FBXL13: variants seen among roughly 807,000 people sequenced by gnomAD.
FBXL13 encodes F-box and leucine-rich repeat protein 13.
FBXL13 carries 67 observed loss-of-function variants against 83.6 expected under a neutral mutation model. The ratio of observed to expected loss-of-function variants is 0.80; its 90% CI spans 0.66 to 0.98. The LOEUF (loss-of-function observed/expected upper bound fraction) is 0.98. FBXL13 is among the 50% of genes least tolerant of loss of function. FBXL13 has a pLI of 0.00. For missense variants in FBXL13, 822 were observed against 866.5 expected, an observed-to-expected ratio of 0.95 and a Z score of 0.64; for synonymous variants, 272 against 299.5, an observed-to-expected ratio of 0.91 and a Z score of 0.95.
At chr7:102,961,423 C>T (rs200105492) in intron 8 of FBXL13, among the ~76,000 whole-genome samples, 5 of 149,674 alleles carry the variant, frequency 3.3e-5, no homozygotes, top group Admixed American at 6.7e-5. Context: ...AGGTAATTTA[C>T]AGATTCAATG....
chr7:102,916,791 T>C (rs1488347680), intron 10 of FBXL13, among the ~76,000 whole-genome samples: 1 of 147,868 alleles, frequency 6.8e-6, no homozygotes, highest in Non-Finnish European at 1.5e-5. Flanking sequence ...CTGTTTCTTA[T>C]GGGGGGGGGT....
intron 18 of FBXL13, among the ~76,000 whole-genome samples, chr7:102,826,798 A>ATATATCTAATAAATGTATCT (rs1799812834): frequency 4.4e-5 from 6 of 135,764 alleles, no homozygotes; most frequent in Non-Finnish European, 9.5e-5. Context: ...ATATATTAAT[A>ATATATCTAATAAATGTATCT]TATATCTAAT....
intron 11 of FBXL13, among the ~76,000 whole-genome samples, chr7:102,893,900 A>G (rs1388892286): frequency 6.7e-6 from 1 of 149,562 alleles, no homozygotes; most frequent in Non-Finnish European, 1.5e-5. Context: ...AGAGGAAGGA[A>G]GGGAGGGAGG....
At chr7:102,852,598 C>A (rs181659663) in intron 17 of FBXL13, among the ~76,000 whole-genome samples, 7 of 152,266 alleles carry the variant, frequency 4.6e-5, no homozygotes, top group African/African-American at 1.7e-4. Context: ...TGCTCAACAT[C>A]ACAAATGATC....
intron 2 of FBXL13, among the ~76,000 whole-genome samples, chr7:103,053,372 C>T (rs902187716): frequency 4.6e-5 from 7 of 152,092 alleles, no homozygotes; most frequent in Admixed American, 1.3e-4. Flanking sequence ...AGGCTGCTCT[C>T]GAACTTCTGA....
chr7:102,934,568 C>A, intron 8 of FBXL13: 1 of 1,613,978 alleles, frequency 6.2e-7, no homozygotes, highest in Non-Finnish European at 8.5e-7. Context: ...AGAAAAGGAA[C>A]AATTGGACCC....
intron 1 of FBXL13, among the ~76,000 whole-genome samples, chr7:103,072,533 T>C (rs1353632633): frequency 6.6e-6 from 1 of 152,162 alleles, no homozygotes; most frequent in Non-Finnish European, 1.5e-5. Flanking sequence ...GATGTTATAG[T>C]AACTGGCGGC....
chr7:103,032,044 G>C (rs1794561924), intron 2 of FBXL13, among the ~76,000 whole-genome samples: 1 of 152,172 alleles, frequency 6.6e-6, no homozygotes, highest in Non-Finnish European at 1.5e-5. Context: ...CTGAGTTCCA[G>C]CAGCATACAA....
chr7:103,024,135 AAGAGAGAGAGAGAGAGAGAGAGAGAG>A (rs59206823), intron 6 of FBXL13, among the ~76,000 whole-genome samples: 1,561 of 96,716 alleles, frequency 0.016, 45 homozygotes, highest in African/African-American at 0.048. Flanking sequence ...AAAAGTTAAA[AAGAGAGAGAGAGAGAGAGAGAGAGAG>A]AGAGAGAGAG....
At chr7:102,879,694 GT>G (rs1008330244) in intron 14 of FBXL13, among the ~76,000 whole-genome samples, 3 of 151,706 alleles carry the variant, frequency 2.0e-5, no homozygotes, top group Admixed American at 6.6e-5. Flanking sequence ...GGCATCTATA[GT>G]TTTTTTTGTA....
At chr7:102,879,027 T>C (rs1408834221) in intron 14 of FBXL13, among the ~76,000 whole-genome samples, 2 of 152,188 alleles carry the variant, frequency 1.3e-5, no homozygotes, top group South Asian at 2.1e-4. Flanking sequence ...AACCCTACCA[T>C]GTTGATCTTG....
intron 2 of FBXL13, among the ~76,000 whole-genome samples, chr7:103,032,199 T>A (rs576766604): frequency 6.6e-6 from 1 of 152,166 alleles, no homozygotes; most frequent in African/African-American, 2.4e-5. Flanking sequence ...TATAAAAAAA[T>A]TTCATTCCTC....
chr7:103,057,882 G>A (rs1375593383), intron 1 of FBXL13, among the ~76,000 whole-genome samples: 1 of 152,058 alleles, frequency 6.6e-6, no homozygotes, highest in Non-Finnish European at 1.5e-5. Context: ...CTGTTTTCTG[G>A]TGGGGTCTAG....
At chr7:102,909,299 G>T (rs1309866360) in intron 11 of FBXL13, among the ~76,000 whole-genome samples, 3 of 152,034 alleles carry the variant, frequency 2.0e-5, no homozygotes, top group Admixed American at 6.6e-5. Flanking sequence ...AGGGCAGTGG[G>T]TTCCCCTCTG....
At chr7:102,898,173 C>T (rs1287093224) in intron 11 of FBXL13, among the ~76,000 whole-genome samples, 1 of 151,660 alleles carries the variant, frequency 6.6e-6, no homozygotes, top group African/African-American at 2.4e-5. Flanking sequence ...CCTATACACA[C>T]ACACACATAC....
intron 6 of FBXL13, among the ~76,000 whole-genome samples, chr7:102,998,618 C>T (rs1790062143): frequency 6.6e-6 from 1 of 152,178 alleles, no homozygotes; most frequent in Admixed American, 6.5e-5. Context: ...TGCAACTTTA[C>T]TGAATTTGAT....
intron 11 of FBXL13, among the ~76,000 whole-genome samples, chr7:102,911,735 A>C (rs1227106119): frequency 6.6e-6 from 1 of 152,258 alleles, no homozygotes; most frequent in Non-Finnish European, 1.5e-5. Context: ...GAAAACAAGA[A>C]GTCAGGGCCT....
chr7:102,826,495 G>A (rs756324232), intron 18 of FBXL13, among the ~76,000 whole-genome samples: 7 of 151,414 alleles, frequency 4.6e-5, no homozygotes, highest in Non-Finnish European at 8.8e-5. Flanking sequence ...TAGCATTTTG[G>A]GAGGCTGAGG....
At chr7:103,056,173 C>T (rs758162478) in intron 1 of FBXL13, among the ~76,000 whole-genome samples, 9 of 152,224 alleles carry the variant, frequency 5.9e-5, no homozygotes, top group Admixed American at 2.0e-4. Flanking sequence ...GCTGTGAATG[C>T]CATTAATTAG....
Sources: allele counts gnomAD v4.1 joint callset (sites outside exome capture counted in the v4.1 genomes callset), GRCh38; gene constraint gnomAD v4.1.1; transcripts MANE v1.5; gene names NCBI Gene and HGNC (gene_info 2026-07-23, HGNC 2026-07-21).